Variants in TAB2 observed in about 807,000 individuals in gnomAD.
The protein encoded by TAB2 is TGF-beta activated kinase 1 (MAP3K7) binding protein 2.
In TAB2, 3 loss-of-function variants were observed where a neutral mutation model predicts 65.0. That is an observed-to-expected ratio of 0.05 (90% confidence interval 0.02 to 0.12). The LOEUF (loss-of-function observed/expected upper bound fraction) is 0.12. Among genes scored for constraint, TAB2 ranks in the 10% least tolerant of loss-of-function variants. The probability of loss-of-function intolerance (pLI) is 1.00; values close to 1 mark genes in which losing one functional copy is unlikely to be tolerated. For synonymous variants in TAB2, 298 were observed against 285.1 expected, an observed-to-expected ratio of 1.05 and a Z score of -0.46; for missense variants, 623 against 840.3, an observed-to-expected ratio of 0.74 and a Z score of 3.20.
At position 149,271,575 on chromosome 6, in the gene TAB2, T is replaced by A. The variant is rs577954169; in HGVS notation, c.-121+52799T>A. The stretch of plus-strand genomic sequence containing the variant: ...GACATGACCCAGAAGTTACAGGACA[T>A]GACCCAGAAGTTACTAACATCCTTT... On this transcript the variant is annotated intron_variant, in intron 1 of 1. Transcript: ENST00000606202. Among the ~76,000 whole-genome samples, 7 of 152,326 alleles carry A rather than the reference T, an allele frequency of 4.6e-5. No homozygotes were observed. In the East Asian group the frequency reaches 1.2e-3, roughly 25 times the overall value.
At chr6:149,347,442 T>C (rs1345556163) in intron 1 of TAB2, among the ~76,000 whole-genome samples, 1 of 152,026 alleles carries the variant, frequency 6.6e-6, no homozygotes, top group African/African-American at 2.4e-5. Context: ...AAATCTAGTT[T>C]TTAGTAACAT....
At chr6:149,274,087 G>T (rs557410976) in intron 1 of TAB2, among the ~76,000 whole-genome samples, 1 of 152,332 alleles carries the variant, frequency 6.6e-6, no homozygotes, top group East Asian at 1.9e-4. Context: ...ATCATTGGTG[G>T]GATCATAAAA....
At chr6:149,359,873 T>G (rs941823386) in intron 1 of TAB2, among the ~76,000 whole-genome samples, 1 of 152,198 alleles carries the variant, frequency 6.6e-6, no homozygotes, top group Admixed American at 6.5e-5. Flanking sequence ...CAGTACACTA[T>G]CATTCTGGAA....
At chr6:149,364,721 G>T (rs1406405533) in intron 1 of TAB2, among the ~76,000 whole-genome samples, 2 of 148,310 alleles carry the variant, frequency 1.3e-5, no homozygotes, top group African/African-American at 5.0e-5. Flanking sequence ...CCTCATAAAT[G>T]CCCAGATTTT....
chr6:149,280,873 A>G (rs934103861), intron 1 of TAB2, among the ~76,000 whole-genome samples: 1 of 150,380 alleles, frequency 6.6e-6, no homozygotes, highest in Non-Finnish European at 1.5e-5. Flanking sequence ...CCAAGGCTGC[A>G]GTGAGCCATG....
chr6:149,393,744 A>G (rs987163408), intron 3 of TAB2, among the ~76,000 whole-genome samples: 1 of 152,140 alleles, frequency 6.6e-6, no homozygotes, highest in Non-Finnish European at 1.5e-5. Context: ...AAATTAGATT[A>G]TTTTTATGAT....
chr6:149,239,543 A>G (rs927064084), intron 1 of TAB2, among the ~76,000 whole-genome samples: 1 of 152,238 alleles, frequency 6.6e-6, no homozygotes, highest in African/African-American at 2.4e-5. Context: ...ATGTTTTGAC[A>G]TGGTGTTGGG....
intron 1 of TAB2, among the ~76,000 whole-genome samples, chr6:149,226,803 G>T (rs556512249): frequency 3.6e-4 from 55 of 152,266 alleles, no homozygotes; most frequent in Middle Eastern, 3.4e-3. Context: ...GTTCCATGAG[G>T]CCATTGCTTA....
intron 3 of TAB2, among the ~76,000 whole-genome samples, chr6:149,394,116 G>C (rs1208320788): frequency 4.0e-5 from 6 of 150,500 alleles, no homozygotes; most frequent in Admixed American, 6.6e-5. Flanking sequence ...AGTTTTTTTT[G>C]TTCTTTTTTT....
At chr6:149,266,961 C>T (rs1000437658) in intron 1 of TAB2, among the ~76,000 whole-genome samples, 24 of 152,170 alleles carry the variant, frequency 1.6e-4, no homozygotes, top group African/African-American at 5.3e-4. Context: ...GCTCTCACCC[C>T]TAGGGCTGGG....
chr6:149,393,076 A>T (rs1220585446), intron 3 of TAB2, among the ~76,000 whole-genome samples: 1 of 152,212 alleles, frequency 6.6e-6, no homozygotes, highest in African/African-American at 2.4e-5. Flanking sequence ...ACAAATGAAA[A>T]GTGAACTAAA....
intron 1 of TAB2, among the ~76,000 whole-genome samples, chr6:149,326,707 C>T (rs964661131): frequency 6.6e-6 from 1 of 152,078 alleles, no homozygotes; most frequent in African/African-American, 2.4e-5. Flanking sequence ...ACCACCCTGC[C>T]TGGCTAATTT....
chr6:149,370,351 A>G (rs1314895615), intron 2 of TAB2, among the ~76,000 whole-genome samples: 1 of 152,192 alleles, frequency 6.6e-6, no homozygotes, highest in Non-Finnish European at 1.5e-5. Context: ...AAGCATTGAT[A>G]ATATCTGTAC....
chr6:149,298,369 G>A (rs1034052511), intron 1 of TAB2, among the ~76,000 whole-genome samples: 10 of 152,164 alleles, frequency 6.6e-5, no homozygotes, highest in African/African-American at 2.4e-4. Context: ...GCTCAGCCAC[G>A]TGTAATTCCA....
At chr6:149,287,491 T>A (rs201524880) in intron 1 of TAB2, among the ~76,000 whole-genome samples, 2 of 97,530 alleles carry the variant, frequency 2.1e-5, no homozygotes, top group Non-Finnish European at 4.4e-5. Context: ...TGTTTTTTTT[T>A]TTAAAAAGAA....
rs182980896 is a variant in TAB2 at position 149,371,855 on chromosome 6, A to T, written c.102+1756A>T. On this transcript the variant is annotated intron_variant, in intron 2 of 6. Transcript: ENST00000637181. ...AAAAATGAGAGAATAAAAACATGTA[A>T]TAAAGATGGAGTCAGAAGTTAAAAG... 5.0e-3 allele frequency among the ~76,000 whole-genome samples: 765 copies of T among 152,338 alleles called. 8 individuals are homozygous for T. Among genetic ancestry groups the T allele is most frequent in the African/African-American group, 0.018 (740 of 41,588 alleles).
At chr6:149,367,363 T>G (rs1048753303) in intron 1 of TAB2, among the ~76,000 whole-genome samples, 3 of 152,070 alleles carry the variant, frequency 2.0e-5, no homozygotes, top group African/African-American at 7.2e-5. Context: ...AAGGGAAAAC[T>G]GTTCCAGTAG....
At chr6:149,290,620 G>C (rs1397716650) in intron 1 of TAB2, among the ~76,000 whole-genome samples, 2 of 152,128 alleles carry the variant, frequency 1.3e-5, no homozygotes, top group Non-Finnish European at 2.9e-5. Flanking sequence ...AAGGTGGGTG[G>C]ATTGCTTGAG....
intron 1 of TAB2, among the ~76,000 whole-genome samples, chr6:149,253,430 G>T (rs1185502753): frequency 1.3e-5 from 2 of 151,794 alleles, no homozygotes; most frequent in Non-Finnish European, 2.9e-5. Flanking sequence ...AGACCAGCCT[G>T]GCCAACACAG....
Sources: allele counts gnomAD v4.1 joint callset (sites outside exome capture counted in the v4.1 genomes callset), GRCh38; gene constraint gnomAD v4.1.1; transcripts MANE v1.5; gene names NCBI Gene and HGNC (gene_info 2026-07-23, HGNC 2026-07-21).